Variants in URGCP observed in about 807,000 individuals in gnomAD.
URGCP encodes upregulator of cell proliferation, also known as up-regulator of cell proliferation.
Under a neutral mutation model 24.6 loss-of-function variants are expected in URGCP, and 13 were observed. The ratio of observed to expected loss-of-function variants is 0.53; its 90% CI spans 0.34 to 0.84. The LOEUF is 0.84. URGCP is among the 40% of genes least tolerant of loss of function. The pLI, the probability that URGCP is intolerant of heterozygous loss-of-function variation, is 0.01. For synonymous variants in URGCP, 444 were observed against 487.2 expected, an observed-to-expected ratio of 0.91 and a Z score of 1.17; for missense variants, 899 against 1,194.3, an observed-to-expected ratio of 0.75 and a Z score of 3.64.
At position 43,878,911 on chromosome 7, in the gene URGCP, T is replaced by G; in HGVS notation, c.552A>C (p.Leu184Phe). ...LPTPDTPVNP[L>F]DLLCALLLSS... ...AGAGCAGCAGGGCACAGAGAAGGTC[T>G]AAGGGGTTCACTGGCGTATCAGGGG... The change falls in exon 6 of 6, where the codon TTA becomes TTC. Residue 184 changes from leucine (L) to phenylalanine (F), a missense_variant. Physicochemically the swap from Leu to Phe is conservative, Grantham distance 22. Transcript: ENST00000453200. The surrounding 1 kb of genome is among the most constrained non-coding windows in gnomAD (Gnocchi z 5.6). 6.2e-7 allele frequency: 1 copy of G among 1,614,194 alleles called. No homozygotes were observed. The highest frequency in any genetic ancestry group is 8.5e-7 in the Non-Finnish European group (1 of 1,180,016).
chr7:43,900,992 C>T (rs1562584256), intron 1 of URGCP, among the ~76,000 whole-genome samples: 1 of 152,322 alleles, frequency 6.6e-6, no homozygotes, highest in East Asian at 1.9e-4. Flanking sequence ...CAAATTTAAA[C>T]CAACTATAAT....
intron 1 of URGCP, among the ~76,000 whole-genome samples, chr7:43,890,473 C>T (rs1202701796): frequency 6.6e-6 from 1 of 152,148 alleles, no homozygotes; most frequent in African/African-American, 2.4e-5. Flanking sequence ...GCCTCAGCCT[C>T]CCAAAGTGCT....
At chr7:43,913,073 A>G (rs1174928318) in intron 1 of URGCP, among the ~76,000 whole-genome samples, 5 of 151,832 alleles carry the variant, frequency 3.3e-5, no homozygotes, top group East Asian at 1.9e-4. Flanking sequence ...CTGGTCTCCA[A>G]CTCCTGACCT....
intron 1 of URGCP, among the ~76,000 whole-genome samples, chr7:43,922,050 GC>G (rs1442473880): frequency 6.6e-6 from 1 of 151,614 alleles, no homozygotes; most frequent in African/African-American, 2.4e-5. Flanking sequence ...AGGCCACCAT[GC>G]CCAGCTAATT....
chr7:43,884,656 CCT>C (rs1480398372), intron 3 of URGCP, among the ~76,000 whole-genome samples: 2 of 152,102 alleles, frequency 1.3e-5, no homozygotes, highest in African/African-American at 2.4e-5. Context: ...TAGCAAGACC[CCT>C]GTCTCTACAA....
chr7:43,880,246 T>C (rs1343454323), intron 5 of URGCP, among the ~76,000 whole-genome samples: 2 of 152,182 alleles, frequency 1.3e-5, no homozygotes, highest in African/African-American at 2.4e-5. Flanking sequence ...AAATTTTAAA[T>C]GTATTAAAAT....
upstream of URGCP, among the ~76,000 whole-genome samples, chr7:43,911,339 T>G (rs1054405436): frequency 6.6e-6 from 1 of 151,918 alleles, no homozygotes; most frequent in African/African-American, 2.4e-5. Context: ...AGGTGGAGGT[T>G]GCAGAGAGCT....
chr7:43,916,719 C>G (rs1252995917), intron 1 of URGCP, among the ~76,000 whole-genome samples: 3 of 130,858 alleles, frequency 2.3e-5, no homozygotes, highest in African/African-American at 5.5e-5. Flanking sequence ...CCACCCCCCC[C>G]CCCCACATAA....
Position 43,902,399 on chromosome 7 carries a change from G to A in URGCP, c.14+4163C>T, listed in dbSNP as rs1028810926. Among the ~76,000 whole-genome samples the A allele has an allele frequency of 2.6e-5, 4 of 152,046 alleles. No individual in the cohort carries two copies. The East Asian group carries it at 5.8e-4, about 22-fold the overall frequency. ...CTAAGCATTCTCCACAGCCCCACTC[G>A]GACCCCACAGGTCCTTCCACCCATT... On this transcript the variant is annotated intron_variant, in intron 1 of 5. Coordinates refer to ENST00000453200, the MANE Select transcript of URGCP (RefSeq NM_001077663.3).
intron 1 of URGCP, among the ~76,000 whole-genome samples, chr7:43,891,123 A>T (rs1402606044): frequency 6.6e-6 from 1 of 152,152 alleles, no homozygotes; most frequent in Non-Finnish European, 1.5e-5. Context: ...TTTTCTGCTG[A>T]CCTACCTCAG....
intron 1 of URGCP, among the ~76,000 whole-genome samples, chr7:43,903,050 G>A (rs1371626119): frequency 1.3e-5 from 2 of 151,282 alleles, no homozygotes; most frequent in Non-Finnish European, 2.9e-5. Flanking sequence ...TTGGGAGGCC[G>A]AGACAGGAGG....
chr7:43,876,689 A>G lies in URGCP; in HGVS notation c.2774T>C (p.Ile925Thr), dbSNP rs778758252. The change falls in exon 6 of 6, where the codon ATT becomes ACT. Residue 925 changes from isoleucine to threonine, a missense_variant. Transcript: ENST00000453200. The part of the protein sequence containing the change: ...SNQNKNIQQL[I>T]ELVRRL ...CACTCACAGCCGTCTCACCAGCTCAATGAGCTGCTGGATGTTTTTGTTTTG... is the reference window on the plus strand; with the variant it reads ...CACTCACAGCCGTCTCACCAGCTCAGTGAGCTGCTGGATGTTTTTGTTTTG... 13 of 1,614,062 alleles carry G rather than the reference A, an allele frequency of 8.1e-6. No homozygotes were observed. The highest frequency in any genetic ancestry group is 1.7e-5 in the Admixed American group (1 of 60,002).
chr7:43,895,305 T>A (rs1205785194), intron 1 of URGCP, among the ~76,000 whole-genome samples: 1 of 152,076 alleles, frequency 6.6e-6, no homozygotes, highest in African/African-American at 2.4e-5. Flanking sequence ...GAAAAAATGC[T>A]CAACATCCCT....
At position 43,883,605 on chromosome 7, in the gene URGCP, C is replaced by T. The variant is rs551469728; in HGVS notation, c.113-1648G>A. Among the ~76,000 whole-genome samples the T allele has an allele frequency of 1.1e-4, 17 of 152,038 alleles. No homozygotes were observed. In the East Asian group the frequency reaches 3.3e-3, roughly 29 times the overall value. The stretch of plus-strand genomic sequence containing the variant: ...CTCGATCTCCTGACCTTGTGATCCA[C>T]CTGCCTTGGCCTCACAGAGCGTTGG... On this transcript the variant is annotated intron_variant, in intron 3 of 5. Coordinates refer to ENST00000453200, the MANE Select transcript of URGCP (RefSeq NM_001077663.3).
intron 1 of URGCP, chr7:43,919,309 T>C (rs1455303768): frequency 3.6e-6 from 3 of 828,182 alleles, no homozygotes; most frequent in African/African-American, 3.3e-5. Flanking sequence ...GTGGTGGTGC[T>C]GCACAACACA....
intron 1 of URGCP, among the ~76,000 whole-genome samples, chr7:43,892,446 T>C (rs1046274691): frequency 4.0e-5 from 6 of 151,740 alleles, no homozygotes; most frequent in Non-Finnish European, 7.4e-5. Context: ...AACTCACCAG[T>C]TTGTGGTACC....
At chr7:43,896,268 C>T (rs1047990410) in intron 1 of URGCP, among the ~76,000 whole-genome samples, 6 of 151,944 alleles carry the variant, frequency 3.9e-5, no homozygotes, top group African/African-American at 1.5e-4. Flanking sequence ...CCAGCCTGAC[C>T]AACGTGGTGA....
intron 1 of URGCP, chr7:43,888,459 C>T (rs1209069403): frequency 2.0e-5 from 3 of 150,740 alleles, no homozygotes; most frequent in Non-Finnish European, 2.9e-5. Context: ...CGAGATCGCA[C>T]CACTGCACTC....
intron 1 of URGCP, among the ~76,000 whole-genome samples, chr7:43,925,798 CTTTT>C (rs60736722): frequency 9.0e-4 from 105 of 116,580 alleles, no homozygotes; most frequent in Admixed American, 1.3e-3. Flanking sequence ...CCTCGTCTGG[CTTTT>C]TTTTTTTTTT....
Sources: gnomAD v4.1 joint callset for allele counts (sites outside exome capture counted in the v4.1 genomes callset) on GRCh38, gnomAD v4.1.1 for gene constraint, Gnocchi (gnomAD v3.1) non-coding constraint, MANE v1.5 for transcripts, NCBI Gene and HGNC (gene_info 2026-07-23, HGNC 2026-07-21) for gene names.